Variants in ZNF282 observed in about 807,000 individuals in gnomAD.
ZNF282 encodes the protein zinc finger protein 282.
A neutral mutation model predicts 61.9 loss-of-function variants in ZNF282; 30 were observed. The observed-to-expected ratio is 0.48, with a 90% CI of 0.36 to 0.66. The LOEUF (loss-of-function observed/expected upper bound fraction) is 0.66. Ranked by LOEUF, ZNF282 falls within the 30% of genes least tolerant of loss-of-function variation. ZNF282 has a pLI of 0.00. For missense variants in ZNF282, 788 were observed against 941.4 expected, an observed-to-expected ratio of 0.84 and a Z score of 2.13; for synonymous variants, 396 against 405.0, an observed-to-expected ratio of 0.98 and a Z score of 0.27.
chr7:149,199,680 T>A (rs1795879109), intron 2 of ZNF282, among the ~76,000 whole-genome samples: 1 of 152,112 alleles, frequency 6.6e-6, no homozygotes. Flanking sequence ...TTCTCTTTAT[T>A]ATAGAATATT....
intron 2 of ZNF282, among the ~76,000 whole-genome samples, chr7:149,205,699 C>T (rs977731483): frequency 1.3e-5 from 2 of 152,252 alleles, no homozygotes; most frequent in Middle Eastern, 3.4e-3. Flanking sequence ...AAGGTGCTGC[C>T]CACTCACCAT....
chr7:149,215,532 G>A (rs551753646), intron 7 of ZNF282, among the ~76,000 whole-genome samples: 9 of 152,126 alleles, frequency 5.9e-5, no homozygotes, highest in South Asian at 2.1e-4. Context: ...TAAACTTCAC[G>A]TAAGAGCGGA....
chr7:149,224,750 C>T lies in ZNF282; in HGVS notation c.*103C>T. On this transcript the variant is annotated 3_prime_UTR_variant, in exon 8 of 8. Coordinates refer to ENST00000610704, the MANE Select transcript of ZNF282 (RefSeq NM_003575.4). ...TCAGCCACCGTCTGGAAATCGGCAA[C>T]AGGCATTGCACTCCGGTTGGGGGTC... 1 of 1,433,580 alleles carries T rather than the reference C, an allele frequency of 7.0e-7. No homozygotes were observed. The highest frequency in any genetic ancestry group is 9.1e-7 in the Non-Finnish European group (1 of 1,097,566). The allele number at this position is 1,433,580 out of a possible 1,614,324, so 88.8% of individuals were successfully genotyped here. A position where few individuals can be genotyped will look rare whatever the true frequency, so the allele number is the denominator to read the frequency against.
At chr7:149,201,076 C>T (rs554624442) in intron 2 of ZNF282, among the ~76,000 whole-genome samples, 185 of 152,300 alleles carry the variant, frequency 1.2e-3, no homozygotes, top group African/African-American at 3.8e-3. Context: ...AAGTGAACTG[C>T]GGATCGCCTG....
chr7:149,222,766 G>T (rs1422531862), intron 7 of ZNF282, among the ~76,000 whole-genome samples: 3 of 152,014 alleles, frequency 2.0e-5, no homozygotes, highest in African/African-American at 7.3e-5. Flanking sequence ...TCCTGCCTCA[G>T]CCTCCCAAGT....
At position 149,198,572 on chromosome 7, in the gene ZNF282, C is replaced by T; in HGVS notation, c.405C>T (p.Asp135=). ...GGACAGCCGAGAAGAAGCTGGCCGA[C>T]TGTGAAAAGACGGCCGTGGAATTTG... ...RTGTAEKKLA[D]CEKTAVEFGN... Residue 135 remains aspartate (D), a synonymous_variant, in exon 2 of 8, where the codon GAC becomes GAT. Coordinates refer to ENST00000610704, the MANE Select transcript of ZNF282 (RefSeq NM_003575.4). The surrounding 1 kb of genome is among the most constrained non-coding windows in gnomAD (Gnocchi z 4.3). The T allele has an allele frequency of 6.2e-7, 1 of 1,614,178 alleles. No homozygotes were observed.
At chr7:149,204,804 T>G (rs1032976823) in intron 2 of ZNF282, among the ~76,000 whole-genome samples, 4 of 151,956 alleles carry the variant, frequency 2.6e-5, no homozygotes, top group African/African-American at 4.8e-5. Context: ...ATCTGCGGAG[T>G]TCTAGTAACA....
chr7:149,207,127 T>C (rs1796003668), intron 3 of ZNF282, among the ~76,000 whole-genome samples: 1 of 152,152 alleles, frequency 6.6e-6, no homozygotes, highest in African/African-American at 2.4e-5. Context: ...CGGTAAGCCA[T>C]AGCTGGTCTG....
intron 7 of ZNF282, among the ~76,000 whole-genome samples, chr7:149,217,825 C>T (rs1398739998): frequency 6.6e-6 from 1 of 151,852 alleles, no homozygotes; most frequent in African/African-American, 2.4e-5. Flanking sequence ...GAAGAGAAGA[C>T]CAAGAAGAGG....
intron 7 of ZNF282, among the ~76,000 whole-genome samples, chr7:149,217,575 T>C (rs1294226166): frequency 2.0e-5 from 3 of 150,396 alleles, no homozygotes; most frequent in African/African-American, 4.9e-5. Context: ...AAAAAAAAAA[T>C]TGGGAGTGAA....
intron 2 of ZNF282, among the ~76,000 whole-genome samples, chr7:149,205,348 G>T (rs1313421350): frequency 1.3e-5 from 2 of 152,140 alleles, no homozygotes; most frequent in African/African-American, 4.8e-5. Context: ...TGAGGCAGGA[G>T]AATCACTTGA....
intron 5 of ZNF282, among the ~76,000 whole-genome samples, chr7:149,211,445 T>C (rs1332300070): frequency 6.6e-6 from 1 of 152,160 alleles, no homozygotes. Context: ...TCTTTTCCCT[T>C]AGGCCTTCAG....
chr7:149,225,017 G>A lies in ZNF282; in HGVS notation c.*370G>A, dbSNP rs1796344511. On this transcript the variant is annotated 3_prime_UTR_variant, in exon 8 of 8. Coordinates refer to ENST00000610704, the MANE Select transcript of ZNF282 (RefSeq NM_003575.4). ...TCAGGAAATCAGGTCCCAAGGTTAG[G>A]AGACGCCCTGAAAAAAAGCGAAGGC... 7.3e-6 allele frequency: 2 copies of A among 272,994 alleles called. No individual in the cohort carries two copies. The highest frequency in any genetic ancestry group is 4.8e-5 in the Admixed American group (1 of 20,816). The allele number at this position is 272,994 out of a possible 1,614,324, so 16.9% of individuals were successfully genotyped here. A position where few individuals can be genotyped will look rare whatever the true frequency, so the allele number is the denominator to read the frequency against.
chr7:149,206,523 G>T lies in ZNF282; in HGVS notation c.586-173G>T, dbSNP rs190607378. On this transcript the variant is annotated intron_variant, in intron 2 of 7. Coordinates refer to ENST00000610704, the MANE Select transcript of ZNF282 (RefSeq NM_003575.4). ...ACCATCCGTGTTATTGAAAGCATGA[G>T]AAGGTCCGGGACAGAGAGGACTGAC... 2.9e-5 allele frequency: 25 copies of T among 861,610 alleles called. No individual in the cohort carries two copies. In the East Asian group the frequency reaches 6.2e-4, roughly 21 times the overall value. 53.4% of individuals were successfully genotyped at this position (861,610 alleles called of 1,614,324 possible).
rs1796348419 is a variant in ZNF282 at position 149,225,188 on chromosome 7, TG to T, written c.*543del. On this transcript the variant is annotated 3_prime_UTR_variant, in exon 8 of 8. Coordinates refer to ENST00000610704, the MANE Select transcript of ZNF282 (RefSeq NM_003575.4). ...TCAGATAGGTGGGGTAGGATTTTCC[TG>T]GTGACCGAGTAAAGTGAGAGGCAGG... is the stretch of plus-strand genomic sequence containing the variant. The T allele has an allele frequency of 6.4e-6, 1 of 155,892 alleles. No individual in the cohort carries two copies. The highest frequency in any genetic ancestry group is 2.4e-5 in the African/African-American group (1 of 41,482). The allele number at this position is 155,892 out of a possible 1,614,324, so 9.7% of individuals were successfully genotyped here. A position where few individuals can be genotyped will look rare whatever the true frequency, so the allele number is the denominator to read the frequency against.
intron 7 of ZNF282, among the ~76,000 whole-genome samples, chr7:149,219,738 T>G (rs547620501): frequency 2.6e-5 from 4 of 152,138 alleles, no homozygotes; most frequent in Non-Finnish European, 4.4e-5. Flanking sequence ...TCCCAGCTAC[T>G]TGGGAGGCTG....
At chr7:149,223,779 C>A in intron 7 of ZNF282, 33 bp from the exon 8 acceptor site, 1 of 1,471,954 alleles carries the variant, frequency 6.8e-7, no homozygotes, top group South Asian at 1.4e-5. Flanking sequence ...CCGAGAACCC[C>A]TGTCAGCATG....
chr7:149,206,596 C>T, intron 2 of ZNF282, 100 bp from the exon 3 acceptor site: 1 of 1,568,622 alleles, frequency 6.4e-7, no homozygotes, highest in Non-Finnish European at 8.7e-7. Context: ...AGAGCAAAGG[C>T]CGGGCTTTGG....
At position 149,224,530 on chromosome 7, in the gene ZNF282, C is replaced by T. The variant is rs537946107; in HGVS notation, c.1899C>T (p.Gly633=). The T allele has an allele frequency of 3.7e-6, 6 of 1,611,514 alleles. No homozygotes were observed. The African/African-American group carries it at 5.3e-5, about 14-fold the overall frequency. Reference sequence around the variant, plus strand: ...CGGGCGAGCGCCCCTACACGTGCGGCGAGTGCGGCAAGAGCTTCCGCTACA... The same window carrying T: ...CGGGCGAGCGCCCCTACACGTGCGGTGAGTGCGGCAAGAGCTTCCGCTACA... The part of the protein sequence containing the change: ...IHTGERPYTC[G]ECGKSFRYKE... The change falls in exon 8 of 8, where the codon GGC becomes GGT. Residue 633 remains glycine, a synonymous_variant. Transcript: ENST00000610704.
Sources: allele counts gnomAD v4.1 joint callset (sites outside exome capture counted in the v4.1 genomes callset), GRCh38; gene constraint gnomAD v4.1.1; non-coding constraint Gnocchi (gnomAD v3.1); transcripts MANE v1.5; gene names NCBI Gene and HGNC (gene_info 2026-07-23, HGNC 2026-07-21).